The following PLOD2 variants were observed in gnomAD, a reference collection of about 807,000 sequenced individuals.
PLOD2 encodes procollagen-lysine,2-oxoglutarate 5-dioxygenase 2.
A neutral mutation model predicts 101.0 loss-of-function variants in PLOD2; 65 were observed. That is an observed-to-expected ratio of 0.64 (90% CI 0.53 to 0.79). The LOEUF (loss-of-function observed/expected upper bound fraction) is 0.79. PLOD2 is among the 30% of genes least tolerant of loss of function. PLOD2 has a pLI of 0.00. For synonymous variants in PLOD2, 314 were observed against 302.9 expected (o/e 1.04, Z -0.38); for missense variants, 909 against 914.6 (o/e 0.99, Z 0.08).
chr3:146,106,950 G>C (rs576461416), intron 4 of PLOD2, among the ~76,000 whole-genome samples: 15 of 152,278 alleles, frequency 9.9e-5, no homozygotes, highest in Admixed American at 9.8e-4. Context: ...GCTCCTAAGG[G>C]AAACAGATTT....
Position 146,079,190 on chromosome 3 carries a change from T to A in PLOD2, c.1426A>T (p.Met476Leu), listed in dbSNP as rs760719307. ...CGAACAAAATAGTTCCTTTCATTCA[T>A]CTCTGATCGGAGTGTCTTTCCTTTA... ...LIKGKTLRSE[M>L]NERNYFVRDK... Residue 476 changes from methionine to leucine, a missense_variant, in exon 13 of 20, where the codon ATG (methionine) becomes TTG (leucine). By Grantham distance (15) the Met-to-Leu change is conservative (BLOSUM62 2). Coordinates refer to ENST00000282903, the MANE Select transcript of PLOD2 (RefSeq NM_182943.3). The A allele has an allele frequency of 5.6e-6, 9 of 1,611,422 alleles. No individual in the cohort carries two copies. Among genetic ancestry groups the A allele is most frequent in the Middle Eastern group, 3.3e-4 (2 of 6,080 alleles).
At chr3:146,116,264 GAC>G (rs758025858) in intron 3 of PLOD2, among the ~76,000 whole-genome samples, 38 of 151,106 alleles carry the variant, frequency 2.5e-4, no homozygotes, top group Non-Finnish European at 4.1e-4. Context: ...CAGACACACA[GAC>G]ACACACACGC....
At chr3:146,115,524 A>C (rs1214930623) in intron 3 of PLOD2, among the ~76,000 whole-genome samples, 1 of 152,036 alleles carries the variant, frequency 6.6e-6, no homozygotes, top group African/African-American at 2.4e-5. Context: ...ATCTCATGGA[A>C]TCTTTTCCTT....
At chr3:146,140,919 G>A (rs916152367) in intron 1 of PLOD2, among the ~76,000 whole-genome samples, 3 of 151,936 alleles carry the variant, frequency 2.0e-5, no homozygotes, top group African/African-American at 7.2e-5. Context: ...TCCACATGCT[G>A]CTTCTGATCT....
chr3:146,120,588 G>C (rs1306776542), intron 3 of PLOD2, among the ~76,000 whole-genome samples: 4 of 152,178 alleles, frequency 2.6e-5, no homozygotes, highest in Non-Finnish European at 5.9e-5. Context: ...AACACCAAAA[G>C]TAATGGCAAC....
intron 12 of PLOD2, 70 bp from the exon 13 acceptor site, chr3:146,079,327 T>C: frequency 8.7e-7 from 1 of 1,144,874 alleles, no homozygotes. Context: ...TTTTACCTTT[T>C]TAAAATAAAT....
intron 7 of PLOD2, among the ~76,000 whole-genome samples, chr3:146,093,270 T>C (rs570937017): frequency 3.0e-4 from 46 of 152,316 alleles, no homozygotes; most frequent in Non-Finnish European, 2.5e-4. Context: ...ACAGATATTA[T>C]AGATATAGCT....
intron 1 of PLOD2, among the ~76,000 whole-genome samples, chr3:146,146,979 C>A (rs2031811120): frequency 1.3e-5 from 2 of 152,160 alleles, no homozygotes; most frequent in South Asian, 4.1e-4. Context: ...AATGGACTAT[C>A]CCTCTGTAAG....
intron 7 of PLOD2, among the ~76,000 whole-genome samples, chr3:146,099,555 T>C (rs1402830087): frequency 6.6e-6 from 1 of 151,840 alleles, no homozygotes; most frequent in African/African-American, 2.4e-5. Flanking sequence ...TGCCTAATTT[T>C]TTTTCTTTTT....
intron 11 of PLOD2, among the ~76,000 whole-genome samples, chr3:146,084,473 A>T (rs1348147935): frequency 6.6e-6 from 1 of 152,040 alleles, no homozygotes; most frequent in Non-Finnish European, 1.5e-5. Context: ...CTAACATTTC[A>T]CCCGCTAAAC....
intron 7 of PLOD2, among the ~76,000 whole-genome samples, chr3:146,098,389 A>G (rs1204743391): frequency 6.6e-6 from 1 of 152,202 alleles, no homozygotes; most frequent in African/African-American, 2.4e-5. Context: ...GATTCATATT[A>G]GATTTATACA....
At chr3:146,120,350 G>C (rs149615181) in intron 3 of PLOD2, among the ~76,000 whole-genome samples, 13,483 of 152,108 alleles carry the variant, frequency 0.089, 771 homozygotes, top group South Asian at 0.14. Context: ...TTAGCCCTTT[G>C]TCAGATGAGT....
chr3:146,111,665 A>C (rs1242278332), intron 3 of PLOD2, among the ~76,000 whole-genome samples: 1 of 152,040 alleles, frequency 6.6e-6, no homozygotes, highest in Non-Finnish European at 1.5e-5. Flanking sequence ...TTGAAACTGA[A>C]CTTTAAGTTA....
intron 9 of PLOD2, among the ~76,000 whole-genome samples, chr3:146,088,341 T>A (rs1936856243): frequency 6.6e-6 from 1 of 151,654 alleles, no homozygotes. Flanking sequence ...AGCTATATGA[T>A]GATGGCTAAT....
At position 146,119,490 on chromosome 3, in the gene PLOD2, G is replaced by A. The variant is rs1219465861; in HGVS notation, c.338+1622C>T. Among the ~76,000 whole-genome samples the A allele has an allele frequency of 5.3e-5, 8 of 151,734 alleles. No homozygotes were observed. In the East Asian group the frequency reaches 1.4e-3, roughly 26 times the overall value. ...AAGTTTTAGGGTACATGTGCACAAC[G>A]TGCAGGTTAGTTACATATGTATACA... On this transcript the variant is annotated intron_variant, in intron 3 of 19. Coordinates refer to ENST00000282903, the MANE Select transcript of PLOD2 (RefSeq NM_182943.3).
chr3:146,150,951 A>G (rs760494103), intron 1 of PLOD2, among the ~76,000 whole-genome samples: 2 of 152,178 alleles, frequency 1.3e-5, no homozygotes, highest in Non-Finnish European at 2.9e-5. Context: ...TTTAAATGTA[A>G]ATTTAATTCT....
chr3:146,081,628 T>C (rs1229313743), intron 12 of PLOD2, 110 bp downstream of exon 12: 5 of 815,776 alleles, frequency 6.1e-6, no homozygotes, highest in East Asian at 2.7e-5. Context: ...CAAATTCCCA[T>C]TAACTATAAA....
chr3:146,125,655 G>A (rs2030517491), intron 1 of PLOD2, among the ~76,000 whole-genome samples: 1 of 152,088 alleles, frequency 6.6e-6, no homozygotes, highest in African/African-American at 2.4e-5. Flanking sequence ...GCTGAGATAG[G>A]AGAATCGCTT....
intron 9 of PLOD2, among the ~76,000 whole-genome samples, chr3:146,088,144 G>A (rs1413561093): frequency 6.6e-6 from 1 of 151,618 alleles, no homozygotes; most frequent in East Asian, 1.9e-4. Flanking sequence ...ATCCTTTGGG[G>A]AATGGCATGC....
Sources: gnomAD v4.1 joint callset for allele counts (sites outside exome capture counted in the v4.1 genomes callset) on GRCh38, gnomAD v4.1.1 for gene constraint, MANE v1.5 for transcripts, NCBI Gene and HGNC (gene_info 2026-07-23, HGNC 2026-07-21) for gene names.